Variants in GRM7 observed in about 807,000 individuals in gnomAD.
GRM7 encodes the protein metabotropic glutamate receptor 7.
A neutral mutation model predicts 84.5 loss-of-function variants in GRM7; 35 were observed. The observed-to-expected ratio is 0.41, with a 90% CI of 0.32 to 0.55. The LOEUF is 0.55. GRM7 is among the 20% of genes least tolerant of loss of function. The pLI, the probability that GRM7 is intolerant of heterozygous loss-of-function variation, is 0.19. For synonymous variants in GRM7, 487 were observed against 455.1 expected (o/e 1.07, Z -0.89); for missense variants, 1,003 against 1,194.6 (o/e 0.84, Z 2.36).
Position 7,359,743 on chromosome 3 carries a change from A to G in GRM7, c.1033+53091A>G, listed in dbSNP as rs1432599223. Among the ~76,000 whole-genome samples the G allele has an allele frequency of 1.3e-4, 20 of 148,564 alleles. 1 individual carries two copies. The highest frequency in any genetic ancestry group is 1.5e-5 in the Non-Finnish European group (1 of 67,488). On this transcript the variant is annotated intron_variant, in intron 4 of 9. Coordinates refer to ENST00000357716, the MANE Select transcript of GRM7 (RefSeq NM_000844.4). ...AGTTTACTCTGTATTATTGTAAATG[A>G]GTATAGCACATGGCACATGATAGGT... is the stretch of plus-strand genomic sequence containing the variant.
intron 2 of GRM7, among the ~76,000 whole-genome samples, chr3:7,238,305 C>T (rs577722108): frequency 6.6e-6 from 1 of 152,290 alleles, no homozygotes; most frequent in African/African-American, 2.4e-5. Flanking sequence ...ATCACATTTG[C>T]TTCTGCTCTG....
At chr3:6,985,655 C>T (rs1351300115) in intron 1 of GRM7, among the ~76,000 whole-genome samples, 1 of 152,144 alleles carries the variant, frequency 6.6e-6, no homozygotes, top group Admixed American at 6.5e-5. Flanking sequence ...GATGTGAATC[C>T]ATATTTTCCA....
intron 8 of GRM7, among the ~76,000 whole-genome samples, chr3:7,647,541 A>T (rs1236265287): frequency 6.6e-6 from 1 of 152,228 alleles, no homozygotes; most frequent in Non-Finnish European, 1.5e-5. Context: ...TTTAAGGCAA[A>T]TACAATAGAA....
At chr3:7,235,279 C>T (rs1697314428) in intron 2 of GRM7, among the ~76,000 whole-genome samples, 1 of 152,160 alleles carries the variant, frequency 6.6e-6, no homozygotes, top group Admixed American at 6.5e-5. Context: ...ATTTTCTGCT[C>T]CTATAAATAG....
At chr3:7,195,375 G>A (rs1249176966) in intron 2 of GRM7, among the ~76,000 whole-genome samples, 1 of 151,998 alleles carries the variant, frequency 6.6e-6, no homozygotes, top group Non-Finnish European at 1.5e-5. Context: ...CCCTTATCAG[G>A]CACCCCAATT....
intron 1 of GRM7, among the ~76,000 whole-genome samples, chr3:6,978,438 T>G (rs1314679535): frequency 1.3e-5 from 2 of 152,150 alleles, no homozygotes; most frequent in South Asian, 4.1e-4. Flanking sequence ...GCTGCAACAG[T>G]AAGAAATGAA....
At chr3:6,904,052 A>T (rs1186922514) in intron 1 of GRM7, among the ~76,000 whole-genome samples, 1 of 152,124 alleles carries the variant, frequency 6.6e-6, no homozygotes, top group Non-Finnish European at 1.5e-5. Flanking sequence ...TATATCGTCT[A>T]CGTGTCACTT....
At chr3:7,519,528 T>A (rs2124988629) in intron 7 of GRM7, among the ~76,000 whole-genome samples, 1 of 152,250 alleles carries the variant, frequency 6.6e-6, no homozygotes, top group Admixed American at 6.5e-5. Flanking sequence ...TATTTGCAAT[T>A]TACTGGGGCA....
At chr3:6,873,930 G>T (rs1160078133) in intron 1 of GRM7, among the ~76,000 whole-genome samples, 1 of 152,218 alleles carries the variant, frequency 6.6e-6, no homozygotes, top group Non-Finnish European at 1.5e-5. Flanking sequence ...AGGGGATTGA[G>T]TGAAATATTC....
At position 7,604,290 on chromosome 3, in the gene GRM7, T is replaced by C. The variant is rs531200902; in HGVS notation, c.2451+24933T>C. On this transcript the variant is annotated intron_variant, in intron 8 of 9. Transcript: ENST00000357716. ...CTTAGGCCTAGCCTGATTATTTACA[T>C]AGGTGGAACAAGCATTCATTTACTA... 2.6e-5 allele frequency among the ~76,000 whole-genome samples: 4 copies of C among 152,314 alleles called. No individual in the cohort carries two copies. In the East Asian group the frequency reaches 7.7e-4, roughly 29 times the overall value.
In GRM7 at chr3:7,476,714, A is replaced by G. The variant is rs114307623; in HGVS notation, c.1515+14992A>G. On this transcript the variant is annotated intron_variant, in intron 7 of 9. Transcript: ENST00000357716. ...CACACCAGTTTTCCCTCCTTCCAGA[A>G]TCAGATGGCCATTCCCAGCTCCTGC... Among the ~76,000 whole-genome samples the G allele has an allele frequency of 2.5e-3, 386 of 152,272 alleles. 1 individual carries two copies. Among genetic ancestry groups the G allele is most frequent in the African/African-American group, 9.0e-3 (372 of 41,564 alleles).
chr3:6,925,568 T>G (rs1273863177), intron 1 of GRM7, among the ~76,000 whole-genome samples: 1 of 152,194 alleles, frequency 6.6e-6, no homozygotes, highest in Non-Finnish European at 1.5e-5. Context: ...GATCTTGATT[T>G]TAGAACTTGA....
intron 1 of GRM7, among the ~76,000 whole-genome samples, chr3:6,969,990 T>A (rs1693679484): frequency 6.6e-6 from 1 of 152,206 alleles, no homozygotes; most frequent in Non-Finnish European, 1.5e-5. Context: ...AATTTTCTCC[T>A]GCCTCAGATG....
chr3:7,162,139 A>T (rs1423171781), intron 2 of GRM7, among the ~76,000 whole-genome samples: 1 of 152,202 alleles, frequency 6.6e-6, no homozygotes, highest in Non-Finnish European at 1.5e-5. Flanking sequence ...AAATGCCTAC[A>T]GTATATCCAA....
chr3:6,962,848 A>AT (rs1693354698), intron 1 of GRM7, among the ~76,000 whole-genome samples: 2 of 152,290 alleles, frequency 1.3e-5, no homozygotes, highest in African/African-American at 4.8e-5. Context: ...AGTGGAGATA[A>AT]TTTTTTCTTA....
chr3:7,164,023 A>G (rs1442788050), intron 2 of GRM7, among the ~76,000 whole-genome samples: 3 of 152,214 alleles, frequency 2.0e-5, no homozygotes, highest in Admixed American at 6.5e-5. Flanking sequence ...GCAAGGGACC[A>G]TCTCACAGAT....
At chr3:7,163,230 A>C (rs1003217737) in intron 2 of GRM7, among the ~76,000 whole-genome samples, 2 of 152,204 alleles carry the variant, frequency 1.3e-5, no homozygotes, top group African/African-American at 4.8e-5. Flanking sequence ...GTATAACAGC[A>C]TATTGTGCTT....
At chr3:7,185,227 C>A (rs1297965583) in intron 2 of GRM7, among the ~76,000 whole-genome samples, 1 of 152,176 alleles carries the variant, frequency 6.6e-6, no homozygotes, top group Admixed American at 6.5e-5. Flanking sequence ...CGACATTCAC[C>A]TCTTCCAAAA....
intron 2 of GRM7, among the ~76,000 whole-genome samples, chr3:7,265,400 ATAT>A (rs1437449831): frequency 3.3e-5 from 5 of 152,192 alleles, no homozygotes; most frequent in Admixed American, 6.5e-5. Context: ...AAGTTGGATA[ATAT>A]TATTATCCAC....
Sources: gnomAD v4.1 joint callset for allele counts (sites outside exome capture counted in the v4.1 genomes callset) on GRCh38, gnomAD v4.1.1 for gene constraint, MANE v1.5 for transcripts, NCBI Gene and HGNC (gene_info 2026-07-23, HGNC 2026-07-21) for gene names.